The following JMY variants were observed in gnomAD, a reference collection of about 807,000 sequenced individuals.
JMY encodes the protein junction mediating and regulatory protein, p53 cofactor.
In JMY, 46 loss-of-function variants were observed where a neutral mutation model predicts 103.3. The ratio of observed to expected loss-of-function variants is 0.45; its 90% CI spans 0.35 to 0.57. The LOEUF (loss-of-function observed/expected upper bound fraction) is 0.57. JMY is among the 20% of genes least tolerant of loss of function. The pLI, the probability that JMY is intolerant of heterozygous loss-of-function variation, is 0.00. For missense variants in JMY, 1,238 were observed against 1,255.2 expected (o/e 0.99, Z 0.21); for synonymous variants, 526 against 489.3 (o/e 1.07, Z -0.99).
At chr5:79,240,270 T>G (rs575325182) in intron 1 of JMY, among the ~76,000 whole-genome samples, 3 of 152,128 alleles carry the variant, frequency 2.0e-5, no homozygotes, top group African/African-American at 7.2e-5. Context: ...TGCCTCAGCT[T>G]CCCAAAGTGC....
intron 4 of JMY, among the ~76,000 whole-genome samples, chr5:79,298,032 AGGCATGTCACTG>A (rs1746616111): frequency 1.3e-5 from 2 of 152,156 alleles, no homozygotes; most frequent in South Asian, 4.1e-4. Context: ...GACAGCGTAA[AGGCATGTCACTG>A]GGGGACTTTC....
At chr5:79,312,050 G>A (rs1329548199) in intron 7 of JMY, among the ~76,000 whole-genome samples, 1 of 151,894 alleles carries the variant, frequency 6.6e-6, no homozygotes, top group African/African-American at 2.4e-5. Flanking sequence ...CCCCTGACCT[G>A]AGGTGATCCA....
In JMY at chr5:79,314,974, T is replaced by C; in HGVS notation, c.2659+123T>C. The C allele has an allele frequency of 4.5e-6, 4 of 895,960 alleles. No individual in the cohort carries two copies. The South Asian group carries it at 6.2e-5, about 14-fold the overall frequency. 55.5% of individuals were successfully genotyped at this position (895,960 alleles called of 1,614,324 possible). ...TTGACATTATTTGATAGTAAACAGG[T>C]TTTCAAAGTCACACTAGAGGAGAAT... On this transcript the variant is annotated intron_variant, in intron 9 of 10. Transcript: ENST00000396137.
At chr5:79,317,430 G>A (rs1747269820) in intron 10 of JMY, among the ~76,000 whole-genome samples, 1 of 152,018 alleles carries the variant, frequency 6.6e-6, no homozygotes, top group South Asian at 2.1e-4. Context: ...ATATGGCACA[G>A]ATTACACCAA....
At chr5:79,308,886 C>T (rs978271990) in intron 7 of JMY, among the ~76,000 whole-genome samples, 2 of 152,034 alleles carry the variant, frequency 1.3e-5, no homozygotes, top group African/African-American at 4.8e-5. Context: ...TCATAAAGAT[C>T]TTGTACACCT....
chr5:79,275,040 C>T (rs1745897461), intron 1 of JMY, among the ~76,000 whole-genome samples: 1 of 152,070 alleles, frequency 6.6e-6, no homozygotes, highest in Non-Finnish European at 1.5e-5. Flanking sequence ...CTTTCTTCTT[C>T]TTAGGCTGTC....
At chr5:79,270,639 A>ATGTT (rs1745751107) in intron 1 of JMY, among the ~76,000 whole-genome samples, 6 of 139,806 alleles carry the variant, frequency 4.3e-5, no homozygotes, top group African/African-American at 1.7e-4. Context: ...ATTTACATAA[A>ATGTT]TATTTATATA....
rs916094370 is a variant in JMY at position 79,236,180 on chromosome 5, G to C, written c.-471G>C. 1 of 152,722 alleles carries C rather than the reference G, an allele frequency of 6.5e-6. No individual in the cohort carries two copies. Among genetic ancestry groups the C allele is most frequent in the African/African-American group, 2.4e-5 (1 of 41,406 alleles). The allele number at this position is 152,722 out of a possible 1,614,324, so 9.5% of individuals were successfully genotyped here. On this transcript the variant is annotated 5_prime_UTR_variant, in exon 1 of 11. Transcript: ENST00000396137. ...TGCTGAGGCGCAGAGTTTAGGAGAC[G>C]GGTTCATCAGTCAGGCCGGCTCCGG...
chr5:79,259,552 G>T (rs969353790), intron 1 of JMY, among the ~76,000 whole-genome samples: 3 of 152,238 alleles, frequency 2.0e-5, no homozygotes, highest in Non-Finnish European at 4.4e-5. Flanking sequence ...TGCCCAGGCT[G>T]TTTGTGCCAA....
chr5:79,318,859 T>A (rs1310929780), intron 10 of JMY, among the ~76,000 whole-genome samples: 1 of 152,080 alleles, frequency 6.6e-6, no homozygotes, highest in East Asian at 1.9e-4. Context: ...ACTGGGAATC[T>A]TTTCCATAGT....
chr5:79,315,680 A>G (rs1029126643), intron 9 of JMY, among the ~76,000 whole-genome samples: 2 of 152,226 alleles, frequency 1.3e-5, no homozygotes, highest in African/African-American at 4.8e-5. Context: ...AGCAACTGCA[A>G]TATGGAAATC....
At chr5:79,271,846 G>A (rs541800392) in intron 1 of JMY, among the ~76,000 whole-genome samples, 12 of 152,184 alleles carry the variant, frequency 7.9e-5, no homozygotes, top group East Asian at 5.8e-4. Flanking sequence ...AGTGGCTCAC[G>A]CCTGTAATCC....
At position 79,236,927 on chromosome 5, in the gene JMY, A is replaced by T; in HGVS notation, c.277A>T (p.Thr93Ser). The T allele has an allele frequency of 1.4e-6, 2 of 1,396,064 alleles. No homozygotes were observed. The highest frequency in any genetic ancestry group is 1.9e-6 in the Non-Finnish European group (2 of 1,080,074). The allele number at this position is 1,396,064 out of a possible 1,614,324, so 86.5% of individuals were successfully genotyped here. ...SPAGRGRPEA[T>S]ASATLVRSPG... ...GGCGGGCAGGGGTCGGCCCGAGGCCACTGCCTCTGCAACTCTGGTTAGGAG... is the reference window on the plus strand; with the variant it reads ...GGCGGGCAGGGGTCGGCCCGAGGCCTCTGCCTCTGCAACTCTGGTTAGGAG... The change falls in exon 1 of 11, where the codon ACT (threonine) becomes TCT (serine). Residue 93 changes from threonine (T) to serine (S), a missense_variant. Transcript: ENST00000396137.
At chr5:79,257,378 G>A (rs575728535) in intron 1 of JMY, among the ~76,000 whole-genome samples, 9 of 152,118 alleles carry the variant, frequency 5.9e-5, no homozygotes, top group Non-Finnish European at 1.3e-4. Context: ...TGAGGTGAGC[G>A]GATTGCTTGA....
chr5:79,316,868 T>C (rs1018206131), intron 10 of JMY, among the ~76,000 whole-genome samples: 1 of 134,194 alleles, frequency 7.5e-6, no homozygotes, highest in Non-Finnish European at 1.5e-5. Flanking sequence ...ATCGTGCCAC[T>C]GCCCTGGGCA....
chr5:79,298,843 G>A (rs532579165), intron 4 of JMY, among the ~76,000 whole-genome samples: 5 of 152,326 alleles, frequency 3.3e-5, no homozygotes, highest in Admixed American at 6.5e-5. Context: ...GGGTAAGACT[G>A]TGTAGATATA....
intron 2 of JMY, among the ~76,000 whole-genome samples, chr5:79,286,021 G>A (rs1746257937): frequency 6.6e-6 from 1 of 152,154 alleles, no homozygotes; most frequent in Non-Finnish European, 1.5e-5. Flanking sequence ...TGAAAACAGA[G>A]GTGTCATTGT....
chr5:79,247,857 T>A (rs1744952366), intron 1 of JMY, among the ~76,000 whole-genome samples: 2 of 149,558 alleles, frequency 1.3e-5, no homozygotes, highest in African/African-American at 4.9e-5. Flanking sequence ...TTTATTTTAT[T>A]TTTTATATTT....
chr5:79,286,835 A>G (rs1012152417), intron 2 of JMY, among the ~76,000 whole-genome samples: 2 of 152,224 alleles, frequency 1.3e-5, no homozygotes, highest in Non-Finnish European at 2.9e-5. Context: ...AGAATCTAAT[A>G]TAAAGAATTT....
Sources: allele counts gnomAD v4.1 joint callset (sites outside exome capture counted in the v4.1 genomes callset), GRCh38; gene constraint gnomAD v4.1.1; transcripts MANE v1.5; gene names NCBI Gene and HGNC (gene_info 2026-07-23, HGNC 2026-07-21).